Variants in OSBPL3 observed in about 807,000 individuals in gnomAD.
OSBPL3 encodes the protein oxysterol binding protein like 3, also known as oxysterol-binding protein-related protein 3.
Under a neutral mutation model 120.1 loss-of-function variants are expected in OSBPL3, and 65 were observed. That is an observed-to-expected ratio of 0.54 (90% confidence interval 0.44 to 0.67). The LOEUF is 0.67. OSBPL3 is among the 30% of genes least tolerant of loss of function. The pLI, the probability that OSBPL3 is intolerant of heterozygous loss-of-function variation, is 0.00. For synonymous variants in OSBPL3, 416 were observed against 402.6 expected, an observed-to-expected ratio of 1.03 and a Z score of -0.40; for missense variants, 1,004 against 1,082.1, an observed-to-expected ratio of 0.93 and a Z score of 1.01.
intron 1 of OSBPL3, among the ~76,000 whole-genome samples, chr7:24,956,288 C>G (rs1397535204): frequency 1.3e-5 from 2 of 152,266 alleles, no homozygotes; most frequent in African/African-American, 2.4e-5. Flanking sequence ...TCCCAGTTAA[C>G]CAACCCTTCC....
At position 24,809,888 on chromosome 7, in the gene OSBPL3, C is replaced by T. The variant is rs199989467; in HGVS notation, c.2236G>A (p.Ala746Thr). ...EGTVFDRSGK[A>T]VHRLFGKWHE... ...CATTTCCCAAACAGCCGATGAACCG[C>T]TTTTCCACTCCTGTCAAACACTGTG... The change falls in exon 20 of 23, where the codon GCG (alanine) becomes ACG (threonine). Residue 746 changes from alanine to threonine, a missense_variant. Ala to Thr is a moderately conservative substitution (Grantham distance 58, BLOSUM62 0). Transcript: ENST00000313367. 284 of 1,614,078 alleles carry T rather than the reference C, an allele frequency of 1.8e-4. No homozygotes were observed. The highest frequency in any genetic ancestry group is 2.3e-4 in the Non-Finnish European group (269 of 1,180,030).
chr7:24,849,466 G>A lies in OSBPL3; in HGVS notation c.1159-290C>T. ...AACAGAGAGGGAAGTCACAGACACT[G>A]TCGGCTTCTGTTAAGACCAGTGGTT... On this transcript the variant is annotated intron_variant, in intron 11 of 22. Transcript: ENST00000313367. The surrounding 1 kb of genome is among the most constrained non-coding windows in gnomAD (Gnocchi z 5.4). The A allele has an allele frequency of 4.5e-6, 1 of 220,504 alleles. No homozygotes were observed. The highest frequency in any genetic ancestry group is 9.1e-6 in the Non-Finnish European group (1 of 109,874). The allele number at this position is 220,504 out of a possible 1,614,324, so 13.7% of individuals were successfully genotyped here.
chr7:24,852,456 G>A lies in OSBPL3; in HGVS notation c.1158+48C>T, dbSNP rs771950163. The A allele has an allele frequency of 7.1e-7, 1 of 1,407,504 alleles. No homozygotes were observed. The highest frequency in any genetic ancestry group is 1.8e-5 in the South Asian group (1 of 56,344). The allele number at this position is 1,407,504 out of a possible 1,614,324, so 87.2% of individuals were successfully genotyped here. A position where few individuals can be genotyped will look rare whatever the true frequency, so the allele number is the denominator to read the frequency against. On this transcript the variant is annotated intron_variant, in intron 11 of 22. Transcript: ENST00000313367. This position sits in a 1 kb window ranked among gnomAD's most constrained non-coding sequence, Gnocchi z 4.1. ...GAAATAGAAATTACAAACCATTCAT[G>A]AGCCTGGACACATCTCAGGCATTCC...
At chr7:24,909,646 C>T (rs1447163480) in intron 1 of OSBPL3, among the ~76,000 whole-genome samples, 1 of 152,114 alleles carries the variant, frequency 6.6e-6, no homozygotes, top group Non-Finnish European at 1.5e-5. Context: ...CTTAGGTCAC[C>T]TCTGTACGTC....
chr7:24,975,780 G>C (rs1379736890), intron 1 of OSBPL3, among the ~76,000 whole-genome samples: 1 of 152,176 alleles, frequency 6.6e-6, no homozygotes, highest in African/African-American at 2.4e-5. Context: ...GAACTGGGAA[G>C]TTTCTCATAT....
At chr7:24,957,106 G>T (rs149145724) in intron 1 of OSBPL3, among the ~76,000 whole-genome samples, 22 of 152,014 alleles carry the variant, frequency 1.4e-4, no homozygotes, top group African/African-American at 4.6e-4. Context: ...TTCAGTCTCT[G>T]TACTTGAATA....
rs1326881039 is a variant in OSBPL3, at chr7:24,953,495, C to A, written c.-150+26391G>T. ...ATTGTAATCAGACTTGAATAATCAT[C>A]TTAAATAAAAGTTTATTAATTGAAC... On this transcript the variant is annotated intron_variant, in intron 1 of 22. Transcript: ENST00000313367. This position sits in a 1 kb window ranked among gnomAD's most constrained non-coding sequence, Gnocchi z 4.3. Among the ~76,000 whole-genome samples the A allele has an allele frequency of 6.6e-6, 1 of 152,076 alleles. No homozygotes were observed. Among genetic ancestry groups the A allele is most frequent in the Non-Finnish European group, 1.5e-5 (1 of 68,020 alleles).
intron 2 of OSBPL3, among the ~76,000 whole-genome samples, chr7:24,888,046 T>C (rs1188458386): frequency 6.6e-6 from 1 of 152,226 alleles, no homozygotes; most frequent in Non-Finnish European, 1.5e-5. Flanking sequence ...AAGGCATTTT[T>C]TATTTTAAAA....
Position 24,872,099 on chromosome 7 carries a change from GTCTA to G in OSBPL3, c.97-34_97-31del, listed in dbSNP as rs1231885884. 16 of 1,421,034 alleles carry G rather than the reference GTCTA, an allele frequency of 1.1e-5. No individual in the cohort carries two copies. In the East Asian group the frequency reaches 1.1e-4, roughly 10 times the overall value. The allele number at this position is 1,421,034 out of a possible 1,614,324, so 88.0% of individuals were successfully genotyped here. A position where few individuals can be genotyped will look rare whatever the true frequency, so the allele number is the denominator to read the frequency against. ...TCCAACAAAAGAGTTCATGTTAAATGTCTATCTTTTTGAAAAATAATAATGGTAA... is the reference window on the plus strand; with the variant it reads ...TCCAACAAAAGAGTTCATGTTAAATGTCTTTTTGAAAAATAATAATGGTAA... On this transcript the variant is annotated intron_variant, in intron 2 of 22. Transcript: ENST00000313367. The surrounding 1 kb of genome is among the most constrained non-coding windows in gnomAD (Gnocchi z 4.1).
intron 1 of OSBPL3, among the ~76,000 whole-genome samples, chr7:24,975,242 G>A (rs570925128): frequency 2.0e-5 from 3 of 152,306 alleles, no homozygotes; most frequent in East Asian, 3.9e-4. Context: ...ATTACTACAT[G>A]TGTGAATTTG....
At chr7:24,920,709 A>G (rs138728699) in intron 1 of OSBPL3, among the ~76,000 whole-genome samples, 8 of 152,340 alleles carry the variant, frequency 5.3e-5, no homozygotes, top group Middle Eastern at 3.4e-3. Flanking sequence ...TTAAAATAGC[A>G]AGCTCAGTTG....
In OSBPL3 at chr7:24,802,650, A is replaced by AGGAT. The variant is rs1265164976; in HGVS notation, c.2567+1664_2567+1665insATCC. 6.6e-6 allele frequency among the ~76,000 whole-genome samples: 1 copy of AGGAT among 152,194 alleles called. No homozygotes were observed. Among genetic ancestry groups the AGGAT allele is most frequent in the Non-Finnish European group, 1.5e-5 (1 of 68,022 alleles). ...TGGATCGAGTTGGTGAATCTCCTTA[A>AGGAT]CTAGTCCTTGAGACAGTTTGGTTAC... On this transcript the variant is annotated intron_variant, in intron 22 of 22. Transcript: ENST00000313367. The surrounding 1 kb of genome is among the most constrained non-coding windows in gnomAD (Gnocchi z 4.1).
Position 24,896,841 on chromosome 7 carries a change from G to A in OSBPL3, c.-149-4220C>T, listed in dbSNP as rs879568849. The stretch of plus-strand genomic sequence containing the variant: ...AATCCCAGCAATTTAGGAGGTGGAC[G>A]CGACTGGATTACTTGAGGTCAGGAG... On this transcript the variant is annotated intron_variant, in intron 1 of 22. Coordinates refer to ENST00000313367, the MANE Select transcript of OSBPL3 (RefSeq NM_015550.4). The surrounding 1 kb of genome is among the most constrained non-coding windows in gnomAD (Gnocchi z 4.4). Among the ~76,000 whole-genome samples, 8 of 152,174 alleles carry A rather than the reference G, an allele frequency of 5.3e-5. No homozygotes were observed. Among genetic ancestry groups the A allele is most frequent in the Non-Finnish European group, 1.0e-4 (7 of 68,034 alleles).
chr7:24,864,774 AG>A (rs924338281), intron 7 of OSBPL3, among the ~76,000 whole-genome samples: 1 of 152,212 alleles, frequency 6.6e-6, no homozygotes, highest in African/African-American at 2.4e-5. Flanking sequence ...TAGCTAATTA[AG>A]GTTGAGAATG....
intron 10 of OSBPL3, among the ~76,000 whole-genome samples, chr7:24,857,287 T>G (rs1302707122): frequency 6.6e-6 from 1 of 152,234 alleles, no homozygotes; most frequent in African/African-American, 2.4e-5. Flanking sequence ...AAACATCATT[T>G]GCTTCCCTTC....
chr7:24,903,464 G>C (rs1169057421), intron 1 of OSBPL3, among the ~76,000 whole-genome samples: 6 of 152,244 alleles, frequency 3.9e-5, no homozygotes, highest in African/African-American at 1.4e-4. Context: ...CTTGCAGGCA[G>C]ATTGGGAGAA....
rs1584474479 is a variant in OSBPL3, at chr7:24,877,189, A to G, written c.97-5120T>C. ...AGTATGTAAATTCTGATGAAGAAAA[A>G]GGAGTAAATCCCATTGGGTAGAGGA... On this transcript the variant is annotated intron_variant, in intron 2 of 22. Coordinates refer to ENST00000313367, the MANE Select transcript of OSBPL3 (RefSeq NM_015550.4). This position sits in a 1 kb window ranked among gnomAD's most constrained non-coding sequence, Gnocchi z 4.8. 6.6e-6 allele frequency among the ~76,000 whole-genome samples: 1 copy of G among 152,318 alleles called. No individual in the cohort carries two copies. The highest frequency in any genetic ancestry group is 1.9e-4 in the East Asian group (1 of 5,186).
intron 1 of OSBPL3, among the ~76,000 whole-genome samples, chr7:24,904,553 G>A (rs964528166): frequency 3.0e-4 from 45 of 152,102 alleles, no homozygotes; most frequent in African/African-American, 1.0e-3. Flanking sequence ...GGTTACGTGC[G>A]AATACTTTGC....
At chr7:24,931,532 G>T (rs1054495602) in intron 1 of OSBPL3, among the ~76,000 whole-genome samples, 1 of 152,142 alleles carries the variant, frequency 6.6e-6, no homozygotes, top group Non-Finnish European at 1.5e-5. Context: ...ATGAGCCAAG[G>T]AATGCAAGCA....
Sources: allele counts gnomAD v4.1 joint callset (sites outside exome capture counted in the v4.1 genomes callset), GRCh38; gene constraint gnomAD v4.1.1; non-coding constraint Gnocchi (gnomAD v3.1); transcripts MANE v1.5; gene names NCBI Gene and HGNC (gene_info 2026-07-23, HGNC 2026-07-21).